The following DNAH11 variants were observed in gnomAD, a reference collection of about 807,000 sequenced individuals.
The protein encoded by DNAH11 is dynein axonemal heavy chain 11, also known as axonemal beta dynein heavy chain 11.
A neutral mutation model predicts 526.0 loss-of-function variants in DNAH11; 442 were observed. The observed-to-expected ratio is 0.84, with a 90% CI of 0.78 to 0.91. The LOEUF is 0.91. Ranked by LOEUF, DNAH11 falls within the 40% of genes least tolerant of loss-of-function variation. DNAH11 has a pLI of 0.00. For synonymous variants in DNAH11, 2,461 were observed against 1,935.9 expected (o/e 1.27, Z -7.12); for missense variants, 6,989 against 5,448.7 (o/e 1.28, Z -8.90).
intron 72 of DNAH11, among the ~76,000 whole-genome samples, 194 bp from the exon 73 acceptor site, chr7:21,868,670 G>C (rs1449344970): frequency 6.6e-6 from 1 of 152,172 alleles, no homozygotes; most frequent in Non-Finnish European, 1.5e-5. Context: ...CTTTTCTAAT[G>C]CTTGCAATGA....
At chr7:21,662,519 T>C (rs545835158) in intron 30 of DNAH11, among the ~76,000 whole-genome samples, 21 of 152,172 alleles carry the variant, frequency 1.4e-4, no homozygotes, top group African/African-American at 4.6e-4. Flanking sequence ...TGTATATTTA[T>C]GTGTACACAT....
chr7:21,707,698 G>C lies in DNAH11; in HGVS notation c.6547-1G>C. 1 of 1,608,938 alleles carries C rather than the reference G, an allele frequency of 6.2e-7. No individual in the cohort carries two copies. Among genetic ancestry groups the C allele is most frequent in the Non-Finnish European group, 8.5e-7 (1 of 1,178,044 alleles). On this transcript the variant is annotated splice_acceptor_variant, in intron 39 of 81. Transcript: ENST00000409508. LOFTEE classifies it high-confidence loss of function. ...TTTGGCTCTTTCCTCCTTCCCCTCA[G>C]ATTTTGAGAACACTGAACCGAACAT...
At chr7:21,771,401 G>A (rs1235186820) in intron 55 of DNAH11, among the ~76,000 whole-genome samples, 1 of 152,180 alleles carries the variant, frequency 6.6e-6, no homozygotes, top group Non-Finnish European at 1.5e-5. Context: ...GAAGTGCCAG[G>A]TGGCTGGAGT....
chr7:21,690,630 C>T (rs1783576646), intron 34 of DNAH11, 135 bp from the exon 35 acceptor site: 2 of 624,708 alleles, frequency 3.2e-6, no homozygotes, highest in Non-Finnish European at 5.5e-6. Context: ...TATGTATGGG[C>T]TTATGAATTT....
At chr7:21,846,214 C>T (rs541906580) in intron 66 of DNAH11, among the ~76,000 whole-genome samples, 1 of 152,210 alleles carries the variant, frequency 6.6e-6, no homozygotes, top group African/African-American at 2.4e-5. Context: ...ATTCCATATA[C>T]CTTTAATTTC....
At chr7:21,555,302 T>C (rs1007114092) in intron 2 of DNAH11, among the ~76,000 whole-genome samples, 3 of 152,218 alleles carry the variant, frequency 2.0e-5, no homozygotes, top group Non-Finnish European at 2.9e-5. Context: ...CCTTTCCTTG[T>C]CCCTGATTCA....
chr7:21,744,112 T>C (rs1786039523), intron 49 of DNAH11, among the ~76,000 whole-genome samples: 1 of 152,352 alleles, frequency 6.6e-6, no homozygotes, highest in South Asian at 2.1e-4. Context: ...ACTTTCATGT[T>C]AGCTGTTTGT....
chr7:21,800,390 G>C (rs867590180), intron 61 of DNAH11, among the ~76,000 whole-genome samples: 1 of 152,148 alleles, frequency 6.6e-6, no homozygotes, highest in African/African-American at 2.4e-5. Flanking sequence ...CCAGCACTTG[G>C]GGAGGCCAAG....
At chr7:21,605,259 G>A (rs1785237665) in intron 18 of DNAH11, among the ~76,000 whole-genome samples, 1 of 152,180 alleles carries the variant, frequency 6.6e-6, no homozygotes, top group Admixed American at 6.5e-5. Context: ...GAACCTTTGA[G>A]TTTTGCACTT....
rs767657769 is a variant in DNAH11, at chr7:21,591,313, G to A, written c.2403G>A (p.Thr801=). 2.0e-5 allele frequency: 32 copies of A among 1,613,766 alleles called. No homozygotes were observed. The highest frequency in any genetic ancestry group is 5.5e-5 in the South Asian group (5 of 91,060). ...AIDEQLTAAT[T]WLTWQDDCWG... ...ACGAGCAGCTGACAGCAGCCACAACGTGGCTGACATGGCAGGATGACTGCT... is the reference window on the plus strand; with the variant it reads ...ACGAGCAGCTGACAGCAGCCACAACATGGCTGACATGGCAGGATGACTGCT... Residue 801 remains threonine (T), a synonymous_variant, in exon 14 of 82, where the codon ACG becomes ACA. Transcript: ENST00000409508.
chr7:21,551,583 TG>T (rs1783025118), intron 2 of DNAH11, among the ~76,000 whole-genome samples: 1 of 152,184 alleles, frequency 6.6e-6, no homozygotes, highest in South Asian at 2.1e-4. Context: ...TTCACAGGTT[TG>T]GGCTGACCAG....
intron 65 of DNAH11, among the ~76,000 whole-genome samples, chr7:21,822,394 G>A (rs947375354): frequency 6.6e-6 from 1 of 152,036 alleles, no homozygotes; most frequent in African/African-American, 2.4e-5. Flanking sequence ...AGGGAGGGAG[G>A]ACACCAAGCC....
At chr7:21,582,616 T>A (rs889557788) in intron 9 of DNAH11, among the ~76,000 whole-genome samples, 1 of 152,002 alleles carries the variant, frequency 6.6e-6, no homozygotes, top group Non-Finnish European at 1.5e-5. Flanking sequence ...CAGTTAAGAG[T>A]TATATAAAAG....
At chr7:21,841,286 T>C (rs1197121228) in intron 65 of DNAH11, among the ~76,000 whole-genome samples, 1 of 152,176 alleles carries the variant, frequency 6.6e-6, no homozygotes, top group Non-Finnish European at 1.5e-5. Context: ...AAATACATAC[T>C]TAAGATGCAT....
In DNAH11 at chr7:21,880,787, G is replaced by T. The variant is rs1783893089; in HGVS notation, c.12281G>T (p.Arg4094Ile). 1.2e-6 allele frequency: 2 copies of T among 1,613,988 alleles called. No individual in the cohort carries two copies. Among genetic ancestry groups the T allele is most frequent in the Non-Finnish European group, 1.7e-6 (2 of 1,179,902 alleles). The change falls in exon 75 of 82, where the codon AGA becomes ATA. Residue 4094 changes from arginine to isoleucine, a missense_variant. Coordinates refer to ENST00000409508, the MANE Select transcript of DNAH11 (RefSeq NM_001277115.2). ...LCYFHACVAGRLRFGPQGWSR... is the reference protein window; with the variant it reads ...LCYFHACVAGILRFGPQGWSR... The stretch of plus-strand genomic sequence containing the variant: ...TACTTCCACGCCTGTGTTGCTGGGA[G>T]ACTGAGGTTTGGCCCCCAGGGCTGG...
chr7:21,573,414 AGCT>A (rs1783969392), intron 8 of DNAH11, among the ~76,000 whole-genome samples: 2 of 152,178 alleles, frequency 1.3e-5, no homozygotes, highest in South Asian at 4.1e-4. Flanking sequence ...AGAATCTAGA[AGCT>A]CCTTGACTTT....
In DNAH11 at chr7:21,801,236, A is replaced by G. The variant is rs1788978903; in HGVS notation, c.10126A>G (p.Ile3376Val). ...QEEVNQTNKTIKLANRLVKEL... is the reference protein window; with the variant it reads ...QEEVNQTNKTVKLANRLVKEL... ...AGAGGTGAACCAAACCAACAAAACCATCAAATTAGCTAACAGACTTGTCAA... is the reference window on the plus strand; with the variant it reads ...AGAGGTGAACCAAACCAACAAAACCGTCAAATTAGCTAACAGACTTGTCAA... Residue 3376 changes from isoleucine to valine, a missense_variant, in exon 62 of 82, where the codon ATC becomes GTC. Transcript: ENST00000409508. The G allele has an allele frequency of 6.2e-7, 1 of 1,613,938 alleles. No individual in the cohort carries two copies. Among genetic ancestry groups the G allele is most frequent in the Non-Finnish European group, 8.5e-7 (1 of 1,179,868 alleles).
chr7:21,692,433 G>A (rs1009631708), intron 35 of DNAH11, among the ~76,000 whole-genome samples: 20 of 152,160 alleles, frequency 1.3e-4, no homozygotes, highest in African/African-American at 3.9e-4. Context: ...CAATATGTAC[G>A]TTTTTGTGTC....
chr7:21,894,751 T>A lies in DNAH11; in HGVS notation c.12879T>A (p.Asn4293Lys). ...LVCFQECERM[N>K]ILIREIRISL... ...GCTTCCAAGAATGTGAGAGGATGAA[T>A]ATTCTCATTCGGGAAATACGTATAT... Residue 4293 changes from asparagine (N) to lysine (K), a missense_variant, in exon 78 of 82, where the codon AAT (asparagine) becomes AAA (lysine). Physicochemically the swap from Asn to Lys is moderately conservative, Grantham distance 94. Transcript: ENST00000409508. 1 of 1,612,616 alleles carries A rather than the reference T, an allele frequency of 6.2e-7. No individual in the cohort carries two copies. Among genetic ancestry groups the A allele is most frequent in the Non-Finnish European group, 8.5e-7 (1 of 1,179,532 alleles).
Sources: allele counts gnomAD v4.1 joint callset (sites outside exome capture counted in the v4.1 genomes callset), GRCh38; gene constraint gnomAD v4.1.1; transcripts MANE v1.5; gene names NCBI Gene and HGNC (gene_info 2026-07-23, HGNC 2026-07-21).